NCKAP5: variants seen among roughly 807,000 people sequenced by gnomAD.
The protein encoded by NCKAP5 is NCK associated protein 5.
A neutral mutation model predicts 167.0 loss-of-function variants in NCKAP5; 92 were observed. The ratio of observed to expected loss-of-function variants is 0.55; its 90% CI spans 0.47 to 0.66. The LOEUF (loss-of-function observed/expected upper bound fraction) is 0.66, where lower values mean the gene tolerates loss of function less well. Among genes scored for constraint, NCKAP5 ranks in the 30% least tolerant of loss-of-function variants. The pLI, the probability that NCKAP5 is intolerant of heterozygous loss-of-function variation, is 0.00. For missense variants in NCKAP5, 2,378 were observed against 2,315.0 expected (o/e 1.03, Z -0.56); for synonymous variants, 891 against 877.4 (o/e 1.02, Z -0.27).
At chr2:133,187,660 A>G (rs1161405012) in intron 5 of NCKAP5, among the ~76,000 whole-genome samples, 1 of 152,094 alleles carries the variant, frequency 6.6e-6, no homozygotes, top group Non-Finnish European at 1.5e-5. Context: ...ATGGATTGGA[A>G]GACTTAAAGA....
At chr2:133,474,157 C>CTATCT (rs1559511839) in intron 3 of NCKAP5, among the ~76,000 whole-genome samples, 130 of 88,224 alleles carry the variant, frequency 1.5e-3, no homozygotes, top group African/African-American at 6.5e-3. Flanking sequence ...TCTATCTATA[C>CTATCT]ACACACACAC....
chr2:133,115,253 C>T (rs751658225), intron 6 of NCKAP5, among the ~76,000 whole-genome samples: 1 of 152,140 alleles, frequency 6.6e-6, no homozygotes, highest in Non-Finnish European at 1.5e-5. Context: ...TGGTGGAAGA[C>T]TTTTCAAATT....
the NCKAP5 span, among the ~76,000 whole-genome samples, chr2:133,639,196 G>T: frequency 6.6e-6 from 1 of 152,124 alleles, no homozygotes; most frequent in Non-Finnish European, 1.5e-5. Context: ...GTAGAGCAAT[G>T]GGAAGTCCCA....
At chr2:133,260,977 G>GA (rs2150368950) in intron 4 of NCKAP5, among the ~76,000 whole-genome samples, 1 of 152,186 alleles carries the variant, frequency 6.6e-6, no homozygotes, top group East Asian at 1.9e-4. Context: ...CTCATTAATA[G>GA]AAAAAATAAA....
At position 133,104,470 on chromosome 2, in the gene NCKAP5, G is replaced by T. The variant is rs1462033210; in HGVS notation, c.341+25508C>A. ...CTTAATGAAGCCAGTCTGAAGTGTGGACTTCAGAATCTTGACTGTGCAAAC... is the reference window on the plus strand; with the variant it reads ...CTTAATGAAGCCAGTCTGAAGTGTGTACTTCAGAATCTTGACTGTGCAAAC... On this transcript the variant is annotated intron_variant, in intron 6 of 19. Transcript: ENST00000409261. Among the ~76,000 whole-genome samples, 2 of 152,170 alleles carry T rather than the reference G, an allele frequency of 1.3e-5. 1 individual carries two copies. Among genetic ancestry groups the T allele is most frequent in the African/African-American group, 4.8e-5 (2 of 41,448 alleles).
intron 16 of NCKAP5, among the ~76,000 whole-genome samples, chr2:132,755,303 T>C (rs779776890): frequency 5.9e-5 from 9 of 152,072 alleles, no homozygotes; most frequent in Non-Finnish European, 1.0e-4. Context: ...TGCTTGAGAG[T>C]TGGCTGGAGA....
At chr2:133,672,151 G>A in the NCKAP5 span, among the ~76,000 whole-genome samples, 1 of 152,232 alleles carries the variant, frequency 6.6e-6, no homozygotes, top group African/African-American at 2.4e-5. Context: ...CTAAAGGAAA[G>A]GAGGAGCTAA....
chr2:133,345,300 C>T (rs573968469), intron 3 of NCKAP5, among the ~76,000 whole-genome samples: 3 of 152,042 alleles, frequency 2.0e-5, no homozygotes, highest in South Asian at 4.2e-4. Flanking sequence ...GATCTTTCTG[C>T]CCTCCCCAAG....
intron 6 of NCKAP5, among the ~76,000 whole-genome samples, chr2:133,019,738 G>A (rs543253465): frequency 6.6e-6 from 1 of 152,228 alleles, no homozygotes; most frequent in South Asian, 2.1e-4. Context: ...CCTAAGAGAA[G>A]GAACCTTAAG....
chr2:133,376,638 A>G (rs1379864977), intron 3 of NCKAP5, among the ~76,000 whole-genome samples: 1 of 152,196 alleles, frequency 6.6e-6, no homozygotes, highest in Non-Finnish European at 1.5e-5. Flanking sequence ...CACAGACTCT[A>G]TTACAGCATA....
At chr2:133,177,181 T>C (rs930918978) in intron 5 of NCKAP5, among the ~76,000 whole-genome samples, 1 of 138,192 alleles carries the variant, frequency 7.2e-6, no homozygotes, top group Non-Finnish European at 1.5e-5. Context: ...TATATATATA[T>C]ATATATACTC....
chr2:132,860,987 C>A lies in NCKAP5; in HGVS notation c.688-376G>T, dbSNP rs201972759. ...CACAAGGACAACAACAGTGTTTCTG[C>A]AGGGAATAGAGATTTGATGAGCTAA... On this transcript the variant is annotated intron_variant, in intron 10 of 19. Coordinates refer to ENST00000409261, the MANE Select transcript of NCKAP5 (RefSeq NM_207363.3). Among the ~76,000 whole-genome samples the A allele has an allele frequency of 2.7e-4, 41 of 152,112 alleles. No individual in the cohort carries two copies. The East Asian group carries it at 7.8e-3, about 29-fold the overall frequency.
intron 6 of NCKAP5, among the ~76,000 whole-genome samples, chr2:133,089,722 CA>C (rs1434372679): frequency 1.3e-5 from 2 of 152,130 alleles, no homozygotes; most frequent in Non-Finnish European, 2.9e-5. Context: ...CCAGCAGAAC[CA>C]GGGGCAATTT....
intron 8 of NCKAP5, among the ~76,000 whole-genome samples, chr2:132,912,004 C>G (rs1294859787): frequency 1.3e-5 from 2 of 152,166 alleles, no homozygotes; most frequent in Non-Finnish European, 2.9e-5. Context: ...TCTGCAGAAA[C>G]TACCAATCTG....
the NCKAP5 span, among the ~76,000 whole-genome samples, chr2:133,579,015 T>C: frequency 2.6e-5 from 4 of 152,286 alleles, no homozygotes; most frequent in African/African-American, 7.2e-5. Flanking sequence ...AAATAAGATA[T>C]ATAAGGCCAG....
intron 5 of NCKAP5, among the ~76,000 whole-genome samples, chr2:133,158,613 A>G (rs1302244427): frequency 6.6e-6 from 1 of 152,166 alleles, no homozygotes; most frequent in African/African-American, 2.4e-5. Context: ...TATTTCCACA[A>G]CAATCCCAGA....
In NCKAP5 at chr2:133,108,926, C is replaced by T. The variant is rs562605175; in HGVS notation, c.341+21052G>A. Reference sequence around the variant, plus strand: ...GTGTGTATACACATATTTTCTCTACCCATTCTTACACTGTTGGAAATTTAG... The same window carrying T: ...GTGTGTATACACATATTTTCTCTACTCATTCTTACACTGTTGGAAATTTAG... On this transcript the variant is annotated intron_variant, in intron 6 of 19. Transcript: ENST00000409261. Among the ~76,000 whole-genome samples, 12 of 152,214 alleles carry T rather than the reference C, an allele frequency of 7.9e-5. No individual in the cohort carries two copies. The East Asian group carries it at 2.3e-3, about 29-fold the overall frequency.
intron 4 of NCKAP5, among the ~76,000 whole-genome samples, chr2:133,294,761 T>G (rs1208786567): frequency 6.6e-6 from 1 of 152,214 alleles, no homozygotes; most frequent in East Asian, 1.9e-4. Context: ...TTACCCAATG[T>G]TTTCCTATTT....
chr2:133,402,811 A>G (rs1329919392), intron 3 of NCKAP5, among the ~76,000 whole-genome samples: 2 of 152,162 alleles, frequency 1.3e-5, no homozygotes, highest in South Asian at 2.1e-4. Context: ...TACAGCCCGC[A>G]GAACTGTAAG....
Sources: gnomAD v4.1 joint callset for allele counts (sites outside exome capture counted in the v4.1 genomes callset) on GRCh38, gnomAD v4.1.1 for gene constraint, MANE v1.5 for transcripts, NCBI Gene and HGNC (gene_info 2026-07-23, HGNC 2026-07-21) for gene names.